ADAMTS15: variants seen among roughly 807,000 people sequenced by gnomAD.
ADAMTS15 encodes the protein ADAM metallopeptidase with thrombospondin type 1 motif 15, also known as A disintegrin and metalloproteinase with thrombospondin motifs 15.
In ADAMTS15, 35 loss-of-function variants were observed where a neutral mutation model predicts 79.1. That is an observed-to-expected ratio of 0.44 (90% CI 0.34 to 0.59). The LOEUF is 0.59. Ranked by LOEUF, ADAMTS15 falls within the 20% of genes least tolerant of loss-of-function variation. The pLI is 0.02. For synonymous variants in ADAMTS15, 616 were observed against 567.3 expected, an observed-to-expected ratio of 1.09 and a Z score of -1.22; for missense variants, 1,324 against 1,318.7, an observed-to-expected ratio of 1.00 and a Z score of -0.06.
chr11:130,471,192 T>G lies in ADAMTS15; in HGVS notation c.1903-16T>G. 1 of 1,590,306 alleles carries G rather than the reference T, an allele frequency of 6.3e-7. No individual in the cohort carries two copies. Among genetic ancestry groups the G allele is most frequent in the Admixed American group, 1.7e-5 (1 of 57,214 alleles). ...GCCCTGCTCTTCCTTCTTTTTCCCC[T>G]TCTGGGGTGCTGCAGGTGGTGGACG... On this transcript the variant is annotated splice_polypyrimidine_tract_variant and intron_variant, in intron 6 of 7. Transcript: ENST00000299164.
In ADAMTS15 at chr11:130,462,187, C is replaced by G. The variant is rs369731938; in HGVS notation, c.1191C>G (p.Ile397Met). 1.2e-5 allele frequency: 19 copies of G among 1,614,204 alleles called. No individual in the cohort carries two copies. In the East Asian group the frequency reaches 1.8e-4, roughly 15 times the overall value. The change falls in exon 3 of 8, where the codon ATC becomes ATG. Residue 397 changes from isoleucine to methionine, a missense_variant. Transcript: ENST00000299164. This position sits in a 1 kb window ranked among gnomAD's most constrained non-coding sequence, Gnocchi z 4.3. ...TGATGTCCCCGACCCTCATCCAGAT[C>G]GACCGTGCCAACCCCTGGTCAGCCT... Reference protein sequence around the residue: ...NHMMSPTLIQIDRANPWSACS... With the variant: ...NHMMSPTLIQMDRANPWSACS...
intron 1 of ADAMTS15, among the ~76,000 whole-genome samples, chr11:130,450,794 A>G (rs1432028812): frequency 1.3e-5 from 2 of 152,194 alleles, no homozygotes; most frequent in Admixed American, 1.3e-4. Flanking sequence ...CCTGCTCCCA[A>G]GTCACTAAAA....
In ADAMTS15 at chr11:130,473,972, G is replaced by T. The variant is rs1251081885; in HGVS notation, c.*151G>T. 1.8e-6 allele frequency: 2 copies of T among 1,112,864 alleles called. No homozygotes were observed. The highest frequency in any genetic ancestry group is 2.6e-5 in the East Asian group (1 of 38,464). 68.9% of individuals were successfully genotyped at this position (1,112,864 alleles called of 1,614,324 possible). ...CAAGGACCATGGGCTGGGGCGAGAG[G>T]TTCCCTCCTCCTCCCTGGACTGGGC... On this transcript the variant is annotated 3_prime_UTR_variant, in exon 8 of 8. Coordinates refer to ENST00000299164, the MANE Select transcript of ADAMTS15 (RefSeq NM_139055.4).
chr11:130,471,213 G>C lies in ADAMTS15; in HGVS notation c.1908G>C (p.Val636=). The C allele has an allele frequency of 6.3e-7, 1 of 1,596,712 alleles. No individual in the cohort carries two copies. ...GYFYVLAPKV[V]DGTLCSPDST... ...CCCCTTCTGGGGTGCTGCAGGTGGT[G>C]GACGGCACGCTGTGCTCTCCTGACT... The change falls in exon 7 of 8, where the codon GTG becomes GTC. Residue 636 remains valine, a synonymous_variant. Coordinates refer to ENST00000299164, the MANE Select transcript of ADAMTS15 (RefSeq NM_139055.4).
chr11:130,473,558 G>A lies in ADAMTS15; in HGVS notation c.2590G>A (p.Val864Met). 6.2e-7 allele frequency: 1 copy of A among 1,603,390 alleles called. No individual in the cohort carries two copies. Among genetic ancestry groups the A allele is most frequent in the Non-Finnish European group, 8.5e-7 (1 of 1,174,100 alleles). ...SCGSGLQKRAVDCRGSAGQRT... is the reference protein window; with the variant it reads ...SCGSGLQKRAMDCRGSAGQRT... ...CGGCAGTGGCCTGCAGAAGCGGGCG[G>A]TGGACTGCCGGGGCTCCGCCGGGCA... Residue 864 changes from valine (V) to methionine (M), a missense_variant, in exon 8 of 8, where the codon GTG (valine) becomes ATG (methionine). Coordinates refer to ENST00000299164, the MANE Select transcript of ADAMTS15 (RefSeq NM_139055.4).
chr11:130,467,727 A>G (rs1938330934), intron 4 of ADAMTS15, among the ~76,000 whole-genome samples: 1 of 151,870 alleles, frequency 6.6e-6, no homozygotes, highest in Admixed American at 6.6e-5. Context: ...AACATCATGG[A>G]CAATGTAAAT....
intron 1 of ADAMTS15, among the ~76,000 whole-genome samples, chr11:130,452,911 G>A (rs1229983653): frequency 6.6e-6 from 1 of 151,640 alleles, no homozygotes; most frequent in Admixed American, 6.6e-5. Flanking sequence ...AACCTGGAAG[G>A]CGGAGGTTGC....
intron 4 of ADAMTS15, among the ~76,000 whole-genome samples, chr11:130,463,645 TG>T (rs1306552846): frequency 2.0e-5 from 3 of 152,212 alleles, no homozygotes; most frequent in African/African-American, 7.2e-5. Context: ...GAGATGAGTA[TG>T]GCACAGAATT....
Position 130,473,077 on chromosome 11 carries a change from C to T in ADAMTS15, c.2109C>T (p.Pro703=), listed in dbSNP as rs368293044. 36 of 1,613,720 alleles carry T rather than the reference C, an allele frequency of 2.2e-5. No homozygotes were observed. The highest frequency in any genetic ancestry group is 8.8e-5 in the South Asian group (8 of 91,084). The change falls in exon 8 of 8, where the codon CCC becomes CCT. Residue 703 remains proline (P), a synonymous_variant. Coordinates refer to ENST00000299164, the MANE Select transcript of ADAMTS15 (RefSeq NM_139055.4). ...GCTACAATTTCGTGGTGGCCATCCC[C>T]GCAGGCGCCTCAAGCATCGACATCC... is the stretch of plus-strand genomic sequence containing the variant. ...MHGYNFVVAI[P]AGASSIDIRQ...
Position 130,449,922 on chromosome 11 carries a change from A to G in ADAMTS15, c.949A>G (p.Thr317Ala). ...PEYWDTAILF[T>A]RQDLCGATTC... is the part of the protein sequence containing the mutation. Reference sequence around the variant, plus strand: ...GTACTGGGACACTGCCATCCTCTTCACCAGGCAGGTGAGTTGATCTGCCGT... The same window carrying G: ...GTACTGGGACACTGCCATCCTCTTCGCCAGGCAGGTGAGTTGATCTGCCGT... Residue 317 changes from threonine (T) to alanine (A), a missense_variant, in exon 1 of 8, where the codon ACC (threonine) becomes GCC (alanine). Coordinates refer to ENST00000299164, the MANE Select transcript of ADAMTS15 (RefSeq NM_139055.4). The surrounding 1 kb of genome is among the most constrained non-coding windows in gnomAD (Gnocchi z 7.8). 1 of 1,598,774 alleles carries G rather than the reference A, an allele frequency of 6.3e-7. No homozygotes were observed. The highest frequency in any genetic ancestry group is 8.5e-7 in the Non-Finnish European group (1 of 1,179,158).
intron 4 of ADAMTS15, among the ~76,000 whole-genome samples, chr11:130,468,904 T>C (rs1455889991): frequency 8.2e-6 from 1 of 122,388 alleles, no homozygotes; most frequent in East Asian, 2.5e-4. Flanking sequence ...GCCATTGCAC[T>C]CCAGCCTTGG....
chr11:130,457,339 A>G (rs867512731), intron 1 of ADAMTS15, among the ~76,000 whole-genome samples: 69 of 152,062 alleles, frequency 4.5e-4, no homozygotes, highest in African/African-American at 1.5e-3. Flanking sequence ...GAGAAGAGGT[A>G]GGAAGGTGGT....
In ADAMTS15 at chr11:130,470,966, C is replaced by G; in HGVS notation, c.1767C>G (p.Gly589=). Residue 589 remains glycine, a synonymous_variant, in exon 6 of 8, where the codon GGC becomes GGG. Transcript: ENST00000299164. Reference sequence around the variant, plus strand: ...AGGAGCAGTGTGAGGCTTTCAACGGCTACAACCACAGCACCAACCGGCTCA... The same window carrying G: ...AGGAGCAGTGTGAGGCTTTCAACGGGTACAACCACAGCACCAACCGGCTCA... ...FREEQCEAFN[G]YNHSTNRLTL... The G allele has an allele frequency of 6.2e-7, 1 of 1,613,922 alleles. No individual in the cohort carries two copies. Among genetic ancestry groups the G allele is most frequent in the Non-Finnish European group, 8.5e-7 (1 of 1,180,036 alleles).
chr11:130,451,775 C>T (rs1007422355), intron 1 of ADAMTS15, among the ~76,000 whole-genome samples: 2 of 152,046 alleles, frequency 1.3e-5, no homozygotes, highest in African/African-American at 2.4e-5. Flanking sequence ...GGGACCATGC[C>T]GTCAGAAGGA....
At chr11:130,454,375 T>C (rs189711878) in intron 1 of ADAMTS15, among the ~76,000 whole-genome samples, 222 of 152,370 alleles carry the variant, frequency 1.5e-3, no homozygotes, top group African/African-American at 4.6e-3. Context: ...TGCCCTACAC[T>C]GCGCAGAGCG....
chr11:130,472,945 A>G lies in ADAMTS15; in HGVS notation c.2079-102A>G. ...ACCTGTGCTTTTACTCCCATGCCAG[A>G]ATTCACCGAAAGCTAGGTTTACTGA... On this transcript the variant is annotated intron_variant, in intron 7 of 7. Coordinates refer to ENST00000299164, the MANE Select transcript of ADAMTS15 (RefSeq NM_139055.4). The surrounding 1 kb of genome is among the most constrained non-coding windows in gnomAD (Gnocchi z 4.7). 1 of 1,503,920 alleles carries G rather than the reference A, an allele frequency of 6.6e-7. No individual in the cohort carries two copies. The highest frequency in any genetic ancestry group is 9.0e-7 in the Non-Finnish European group (1 of 1,113,146). 93.2% of individuals were successfully genotyped at this position (1,503,920 alleles called of 1,614,324 possible). A position where few individuals can be genotyped will look rare whatever the true frequency, so the allele number is the denominator to read the frequency against.
chr11:130,472,224 G>A lies in ADAMTS15; in HGVS notation c.2079-823G>A, dbSNP rs1938473820. On this transcript the variant is annotated intron_variant, in intron 7 of 7. Transcript: ENST00000299164. The surrounding 1 kb of genome is among the most constrained non-coding windows in gnomAD (Gnocchi z 4.7). ...GTGCTGGTGATGGAAAGGCCTAGATGGCTGTCCTGGAGCCTTGACTGTGCC... is the reference window on the plus strand; with the variant it reads ...GTGCTGGTGATGGAAAGGCCTAGATAGCTGTCCTGGAGCCTTGACTGTGCC... Among the ~76,000 whole-genome samples, 1 of 152,214 alleles carries A rather than the reference G, an allele frequency of 6.6e-6. No individual in the cohort carries two copies. Among genetic ancestry groups the A allele is most frequent in the Non-Finnish European group, 1.5e-5 (1 of 68,032 alleles).
intron 1 of ADAMTS15, among the ~76,000 whole-genome samples, chr11:130,458,790 A>T (rs992129238): frequency 2.0e-5 from 3 of 152,146 alleles, no homozygotes; most frequent in Non-Finnish European, 4.4e-5. Flanking sequence ...CCCAGAGGCA[A>T]GGGTAGGTGC....
Position 130,462,500 on chromosome 11 carries a change from A to T in ADAMTS15, c.1262A>T (p.Asp421Val). 5 of 1,587,376 alleles carry T rather than the reference A, an allele frequency of 3.1e-6. No homozygotes were observed. The highest frequency in any genetic ancestry group is 4.3e-6 in the Non-Finnish European group (5 of 1,162,080). Residue 421 changes from aspartate to valine, a missense_variant, in exon 4 of 8, where the codon GAC (aspartate) becomes GTC (valine). Physicochemically the swap from Asp to Val is radical, Grantham distance 152. Transcript: ENST00000299164. The surrounding 1 kb of genome is among the most constrained non-coding windows in gnomAD (Gnocchi z 4.3). ...ITDFLDSGHG[D>V]CLLDQPSKPI... is the part of the protein sequence containing the mutation. ...GAACGCCCTCGGCTCTCTGCAGGTGACTGCCTCCTGGACCAACCCAGCAAG... is the reference window on the plus strand; with the variant it reads ...GAACGCCCTCGGCTCTCTGCAGGTGTCTGCCTCCTGGACCAACCCAGCAAG...
Sources: gnomAD v4.1 joint callset for allele counts (sites outside exome capture counted in the v4.1 genomes callset) on GRCh38, gnomAD v4.1.1 for gene constraint, Gnocchi (gnomAD v3.1) non-coding constraint, MANE v1.5 for transcripts, NCBI Gene and HGNC (gene_info 2026-07-23, HGNC 2026-07-21) for gene names.